STX8: variants seen among roughly 807,000 people sequenced by gnomAD.
STX8 encodes the protein syntaxin-8.
Under a neutral mutation model 37.5 loss-of-function variants are expected in STX8, and 23 were observed. The ratio of observed to expected loss-of-function variants is 0.61; its 90% CI spans 0.44 to 0.87. The LOEUF is 0.87. Ranked by LOEUF, STX8 falls within the 40% of genes least tolerant of loss-of-function variation. The probability of loss-of-function intolerance (pLI) is 0.00; values close to 1 mark genes in which losing one functional copy is unlikely to be tolerated. For synonymous variants in STX8, 115 were observed against 99.1 expected (o/e 1.16, Z -0.95); for missense variants, 313 against 284.7 (o/e 1.10, Z -0.71).
At chr17:9,571,651 C>T (rs565479358) in intron 1 of STX8, among the ~76,000 whole-genome samples, 1 of 149,012 alleles carries the variant, frequency 6.7e-6, no homozygotes, top group East Asian at 2.0e-4. Flanking sequence ...CGTAGTGGCT[C>T]ACACCTGTAA....
intron 6 of STX8, among the ~76,000 whole-genome samples, chr17:9,411,655 T>C (rs1448688716): frequency 6.6e-6 from 1 of 152,228 alleles, no homozygotes. Flanking sequence ...CAGGATCGTT[T>C]CCTCACTAGG....
At chr17:9,251,672 G>C (rs977764624) in intron 7 of STX8, among the ~76,000 whole-genome samples, 2 of 152,190 alleles carry the variant, frequency 1.3e-5, no homozygotes, top group African/African-American at 4.8e-5. Context: ...GCATATGTTC[G>C]TGAGCAAAGA....
chr17:9,341,529 T>C (rs1431454209), intron 7 of STX8, among the ~76,000 whole-genome samples: 3 of 152,186 alleles, frequency 2.0e-5, no homozygotes, highest in South Asian at 4.2e-4. Flanking sequence ...CTCTGTCTCC[T>C]GGGTTCAAGC....
At chr17:9,409,900 C>T (rs553221533) in intron 6 of STX8, among the ~76,000 whole-genome samples, 78 of 152,208 alleles carry the variant, frequency 5.1e-4, no homozygotes, top group Middle Eastern at 6.8e-3. Context: ...AGTTAATCAT[C>T]GGAACATCTA....
chr17:9,415,544 G>A (rs545956923), intron 6 of STX8, among the ~76,000 whole-genome samples: 2 of 152,140 alleles, frequency 1.3e-5, no homozygotes, highest in South Asian at 4.2e-4. Flanking sequence ...GGCCGAGGCG[G>A]GAGGATCACA....
At chr17:9,558,817 C>A (rs1187774953) in intron 2 of STX8, among the ~76,000 whole-genome samples, 6 of 147,312 alleles carry the variant, frequency 4.1e-5, no homozygotes, top group Admixed American at 6.7e-5. Context: ...AGCGAGACTC[C>A]GTCTCAAAAA....
chr17:9,255,521 C>T (rs187153372), intron 7 of STX8, among the ~76,000 whole-genome samples: 9 of 148,100 alleles, frequency 6.1e-5, no homozygotes, highest in East Asian at 5.9e-4. Flanking sequence ...AGCAAGACTC[C>T]ATCTCAAAAT....
intron 6 of STX8, among the ~76,000 whole-genome samples, chr17:9,443,729 A>C (rs867546632): frequency 1.3e-5 from 2 of 152,078 alleles, no homozygotes; most frequent in Middle Eastern, 6.8e-3. Flanking sequence ...TGGAACCCCT[A>C]CTCTTCTCTA....
chr17:9,324,399 A>T (rs1230846037), intron 7 of STX8, among the ~76,000 whole-genome samples: 2 of 152,032 alleles, frequency 1.3e-5, no homozygotes, highest in Admixed American at 6.6e-5. Flanking sequence ...ATTCCAGGGG[A>T]TGCTGACAGT....
intron 6 of STX8, among the ~76,000 whole-genome samples, chr17:9,416,151 T>A (rs1276633005): frequency 6.6e-6 from 1 of 152,180 alleles, no homozygotes; most frequent in East Asian, 1.9e-4. Context: ...GGTTGCACAT[T>A]AAAAGCATGT....
At chr17:9,420,826 G>A (rs573673317) in intron 6 of STX8, among the ~76,000 whole-genome samples, 2 of 152,150 alleles carry the variant, frequency 1.3e-5, no homozygotes, top group Non-Finnish European at 2.9e-5. Flanking sequence ...TTGCACTCTC[G>A]TTTTATCCAA....
chr17:9,264,209 T>C (rs1567759287), intron 7 of STX8, among the ~76,000 whole-genome samples: 1 of 152,260 alleles, frequency 6.6e-6, no homozygotes, highest in Non-Finnish European at 1.5e-5. Flanking sequence ...ATGAAAATCT[T>C]CAGCCAGAGC....
At chr17:9,490,728 A>G (rs1322910899) in intron 6 of STX8, among the ~76,000 whole-genome samples, 1 of 152,146 alleles carries the variant, frequency 6.6e-6, no homozygotes, top group East Asian at 1.9e-4. Context: ...TAGATAGAAT[A>G]CTTTACATTT....
At chr17:9,399,351 G>A (rs1912521572) in intron 6 of STX8, among the ~76,000 whole-genome samples, 1 of 152,166 alleles carries the variant, frequency 6.6e-6, no homozygotes, top group Non-Finnish European at 1.5e-5. Context: ...AGGCTGGCAT[G>A]TGAGGCAAGT....
At chr17:9,476,723 GATT>G (rs112087805) in intron 6 of STX8, among the ~76,000 whole-genome samples, 2,912 of 152,228 alleles carry the variant, frequency 0.019, 89 homozygotes, top group African/African-American at 0.066. Flanking sequence ...AAAGTGCTGG[GATT>G]ACAGGTGTGA....
Position 9,492,243 on chromosome 17 carries a change from T to C in STX8, c.449-322A>G, listed in dbSNP as rs74807839. ...AAAAAGACTGAATATCCCAATTTTT[T>C]AAATCAGCAGAGGATACAGGCAAGA... On this transcript the variant is annotated intron_variant, in intron 5 of 7. Transcript: ENST00000306357. Among the ~76,000 whole-genome samples, 503 of 152,310 alleles carry C rather than the reference T, an allele frequency of 3.3e-3. 7 individuals are homozygous for C. The highest frequency in any genetic ancestry group is 0.012 in the African/African-American group (482 of 41,582).
intron 6 of STX8, among the ~76,000 whole-genome samples, chr17:9,482,680 A>G (rs1208831575): frequency 6.6e-6 from 1 of 152,136 alleles, no homozygotes; most frequent in East Asian, 1.9e-4. Context: ...TTGGGAGGCC[A>G]CAGCAGGCAG....
intron 5 of STX8, among the ~76,000 whole-genome samples, chr17:9,504,164 G>C (rs940687922): frequency 1.1e-4 from 16 of 152,048 alleles, no homozygotes; most frequent in Non-Finnish European, 7.4e-5. Flanking sequence ...TATTTATATT[G>C]AATATATGTA....
intron 6 of STX8, among the ~76,000 whole-genome samples, chr17:9,425,973 T>C (rs1478833080): frequency 6.6e-6 from 1 of 152,154 alleles, no homozygotes; most frequent in Non-Finnish European, 1.5e-5. Context: ...CAAAGTCCCA[T>C]CCTTCATCCT....
Sources: allele counts gnomAD v4.1 joint callset (sites outside exome capture counted in the v4.1 genomes callset), GRCh38; gene constraint gnomAD v4.1.1; transcripts MANE v1.5; gene names NCBI Gene and HGNC (gene_info 2026-07-23, HGNC 2026-07-21).